Variants in PCDH11X observed in about 807,000 individuals in gnomAD.
PCDH11X encodes the protein protocadherin 11 X-linked.
Under a neutral mutation model 53.3 loss-of-function variants are expected in PCDH11X, and 18 were observed. The observed-to-expected ratio is 0.34, with a 90% CI of 0.23 to 0.50. The LOEUF is 0.50. Among genes scored for constraint, PCDH11X ranks in the 20% least tolerant of loss-of-function variants. The probability of loss-of-function intolerance (pLI) is 0.98; values close to 1 mark genes in which losing one functional copy is unlikely to be tolerated. For synonymous variants in PCDH11X, 279 were observed against 393.3 expected, an observed-to-expected ratio of 0.71 and a Z score of 3.44; for missense variants, 570 against 1,032.4, an observed-to-expected ratio of 0.55 and a Z score of 6.14.
chrX:92,180,091 G>A (rs2065970844), intron 6 of PCDH11X, among the ~76,000 whole-genome samples: 1 of 112,298 alleles, frequency 8.9e-6, no homozygotes, highest in African/African-American at 3.2e-5. Flanking sequence ...CAGGAAGCAT[G>A]GCTGAAAAGC....
At chrX:92,005,294 C>G (rs2062580613) in intron 6 of PCDH11X, among the ~76,000 whole-genome samples, 1 of 110,896 alleles carries the variant, frequency 9.0e-6, no homozygotes, top group Non-Finnish European at 1.9e-5. Context: ...CTGTCTTCCT[C>G]TAGTGAAGGT....
chrX:92,216,220 G>A (rs1251460077), intron 7 of PCDH11X, among the ~76,000 whole-genome samples: 1 of 110,890 alleles, frequency 9.0e-6, no homozygotes. Flanking sequence ...ACTTTGACGA[G>A]CTGAGAGAAG....
intron 6 of PCDH11X, among the ~76,000 whole-genome samples, chrX:92,172,015 G>C (rs1433974386): frequency 4.7e-5 from 5 of 105,672 alleles, no homozygotes; most frequent in African/African-American, 1.7e-4. Flanking sequence ...TTTATTTTTG[G>C]ATTATTCATT....
At chrX:92,245,178 TC>T (rs1424873673) in intron 7 of PCDH11X, among the ~76,000 whole-genome samples, 2 of 112,790 alleles carry the variant, frequency 1.8e-5, no homozygotes, top group Non-Finnish European at 3.7e-5. Context: ...CGGATGAGCC[TC>T]TAGGGGAATG....
intron 7 of PCDH11X, among the ~76,000 whole-genome samples, chrX:92,256,036 G>C (rs914834488): frequency 1.8e-5 from 2 of 112,153 alleles, no homozygotes; most frequent in Non-Finnish European, 3.8e-5. Flanking sequence ...CCCCAGCCTC[G>C]CTGCCGCCTT....
intron 7 of PCDH11X, among the ~76,000 whole-genome samples, chrX:92,245,029 A>C (rs145233855): frequency 1.8e-5 from 2 of 112,381 alleles, no homozygotes; most frequent in East Asian, 5.6e-4. Context: ...GTTGAGTTGG[A>C]AACTGAAAAT....
chrX:92,547,153 C>A (rs1215881211), intron 10 of PCDH11X, among the ~76,000 whole-genome samples: 1 of 107,882 alleles, frequency 9.3e-6, no homozygotes, highest in Non-Finnish European at 1.9e-5. Context: ...GCATAAATTC[C>A]GTTTTAGGAA....
chrX:92,350,490 T>C (rs1373761564), intron 8 of PCDH11X, among the ~76,000 whole-genome samples: 1 of 111,267 alleles, frequency 9.0e-6, no homozygotes, highest in Non-Finnish European at 1.9e-5. Context: ...TAGTGATTGT[T>C]ATTTCTCTTC....
At chrX:92,204,509 A>G (rs1169263659) in intron 7 of PCDH11X, among the ~76,000 whole-genome samples, 1 of 111,756 alleles carries the variant, frequency 8.9e-6, no homozygotes, top group African/African-American at 3.3e-5. Flanking sequence ...TCCATCTGAG[A>G]CCACCTCAGC....
At chrX:92,054,186 C>T (rs1384512904) in intron 6 of PCDH11X, among the ~76,000 whole-genome samples, 1 of 111,554 alleles carries the variant, frequency 9.0e-6, no homozygotes, top group Admixed American at 9.6e-5. Flanking sequence ...TGCTAAATCA[C>T]TTACAAATTG....
chrX:92,233,478 T>C (rs1354677882), intron 7 of PCDH11X, among the ~76,000 whole-genome samples: 1 of 111,799 alleles, frequency 8.9e-6, no homozygotes, highest in Non-Finnish European at 1.9e-5. Context: ...TCACGAGTTA[T>C]AAGTGTATCT....
chrX:92,052,232 C>T (rs1428673167), intron 6 of PCDH11X, among the ~76,000 whole-genome samples: 4 of 110,790 alleles, frequency 3.6e-5, no homozygotes, highest in Non-Finnish European at 7.6e-5. Context: ...ATAGTAGGCA[C>T]AATATTTTTC....
In PCDH11X at chrX:92,519,946, A is replaced by G. The variant is rs113122681; in HGVS notation, c.3367+51624A>G. On this transcript the variant is annotated intron_variant, in intron 10 of 10. Coordinates refer to ENST00000682573, the MANE Select transcript of PCDH11X (RefSeq NM_032968.5). ...AAAATAATACTGACAAACATTAAGC[A>G]CTTTCTTTGTCCTGTGGGATAGGGT... Among the ~76,000 whole-genome samples the G allele has an allele frequency of 6.1e-3, 671 of 109,161 alleles. 4 individuals carry two copies. The highest frequency in any genetic ancestry group is 0.016 in the African/African-American group (479 of 30,018). 94.8% of individuals were successfully genotyped at this position (109,161 alleles called of 115,157 possible). A position where few individuals can be genotyped will look rare whatever the true frequency, so the allele number is the denominator to read the frequency against.
chrX:91,829,730 C>T (rs1426404641), intron 4 of PCDH11X, among the ~76,000 whole-genome samples: 1 of 110,883 alleles, frequency 9.0e-6, no homozygotes, highest in Non-Finnish European at 1.9e-5. Flanking sequence ...GAAATTAATG[C>T]CTATTTGATA....
chrX:91,989,960 T>A (rs2062294141), intron 6 of PCDH11X, among the ~76,000 whole-genome samples: 1 of 111,004 alleles, frequency 9.0e-6, no homozygotes, highest in South Asian at 3.8e-4. Flanking sequence ...CTCTGTTAAT[T>A]TTTTTATAGG....
chrX:92,176,363 T>A (rs2065910014), intron 6 of PCDH11X, among the ~76,000 whole-genome samples: 1 of 111,994 alleles, frequency 8.9e-6, no homozygotes, highest in Non-Finnish European at 1.9e-5. Flanking sequence ...GGCAACGTGC[T>A]GAGTTGTTTG....
intron 8 of PCDH11X, among the ~76,000 whole-genome samples, chrX:92,357,369 C>T (rs1200042397): frequency 2.7e-5 from 3 of 111,281 alleles, no homozygotes; most frequent in Admixed American, 9.6e-5. Context: ...TTTGGAAAAA[C>T]GAAATCTAGT....
chrX:91,876,062 T>G (rs968344578), intron 5 of PCDH11X, among the ~76,000 whole-genome samples: 1 of 111,915 alleles, frequency 8.9e-6, no homozygotes, highest in Non-Finnish European at 1.9e-5. Context: ...TGCAAAAATT[T>G]AGTGACAATT....
chrX:92,130,907 A>AT (rs2064960694), intron 6 of PCDH11X, among the ~76,000 whole-genome samples: 1 of 109,478 alleles, frequency 9.1e-6, no homozygotes, highest in African/African-American at 3.3e-5. Flanking sequence ...ATATTAACTC[A>AT]TTTTTTGCAC....
Sources: gnomAD v4.1 joint callset for allele counts (sites outside exome capture counted in the v4.1 genomes callset) on GRCh38, gnomAD v4.1.1 for gene constraint, MANE v1.5 for transcripts, NCBI Gene and HGNC (gene_info 2026-07-23, HGNC 2026-07-21) for gene names.